The following RIMS1 variants were observed in gnomAD, a reference collection of about 807,000 sequenced individuals.
RIMS1 encodes regulating synaptic membrane exocytosis protein 1.
In RIMS1, 83 loss-of-function variants were observed where a neutral mutation model predicts 214.1. That is an observed-to-expected ratio of 0.39 (90% confidence interval 0.32 to 0.47). RIMS1 has a LOEUF of 0.47. Among genes scored for constraint, RIMS1 ranks in the 20% least tolerant of loss-of-function variants. The pLI is 0.99. For missense variants in RIMS1, 2,050 were observed against 2,161.8 expected (o/e 0.95, Z 1.03); for synonymous variants, 793 against 786.8 (o/e 1.01, Z -0.13).
intron 2 of RIMS1, among the ~76,000 whole-genome samples, chr6:72,066,855 C>G (rs1310436924): frequency 2.0e-5 from 3 of 152,100 alleles, no homozygotes; most frequent in Non-Finnish European, 4.4e-5. Flanking sequence ...CATAATTTAC[C>G]TAATTGCTGG....
chr6:71,978,350 T>C (rs1476756355), intron 2 of RIMS1, among the ~76,000 whole-genome samples: 2 of 152,258 alleles, frequency 1.3e-5, no homozygotes, highest in African/African-American at 4.8e-5. Flanking sequence ...ACAAAAATTA[T>C]GTAAAATTGA....
In RIMS1 at chr6:72,183,168, C is replaced by T. The variant is rs1408729408; in HGVS notation, c.1678+19C>T. 1.3e-6 allele frequency: 2 copies of T among 1,582,544 alleles called. No homozygotes were observed. The highest frequency in any genetic ancestry group is 2.3e-5 in the South Asian group (2 of 86,484). ...GAGAAAGGTAAGGGGGCGGCGCCGG[C>T]CGTGCGGGGACTTCAGCCAAGTGAA... On this transcript the variant is annotated intron_variant, in intron 6 of 33. Coordinates refer to ENST00000521978, the MANE Select transcript of RIMS1 (RefSeq NM_014989.7).
chr6:72,206,944 T>C (rs1008378689), intron 6 of RIMS1, among the ~76,000 whole-genome samples: 10 of 152,240 alleles, frequency 6.6e-5, no homozygotes, highest in African/African-American at 2.4e-4. Flanking sequence ...CGTTTTGTAG[T>C]ATGACTATTT....
intron 6 of RIMS1, among the ~76,000 whole-genome samples, chr6:72,215,661 T>C (rs939557192): frequency 3.9e-5 from 6 of 152,246 alleles, no homozygotes; most frequent in Non-Finnish European, 7.3e-5. Flanking sequence ...TATTTCCCTT[T>C]TGCTTTTCCC....
intron 23 of RIMS1, among the ~76,000 whole-genome samples, chr6:72,278,051 A>G (rs936287788): frequency 5.3e-5 from 8 of 152,124 alleles, no homozygotes; most frequent in African/African-American, 1.9e-4. Flanking sequence ...AGAAAATGCA[A>G]TATTTTCATT....
chr6:71,988,846 A>C lies in RIMS1; in HGVS notation c.245+19783A>C, dbSNP rs4706498. On this transcript the variant is annotated intron_variant, in intron 2 of 33. Transcript: ENST00000521978. The stretch of plus-strand genomic sequence containing the variant: ...AGGAATGGGATATTTTTATGTGAAT[A>C]AAGTAATTTGTATGTTACCATCTAC... 7.2e-3 allele frequency among the ~76,000 whole-genome samples: 1,103 copies of C among 152,336 alleles called. 10 individuals carry two copies. Among genetic ancestry groups the C allele is most frequent in the East Asian group, 0.026 (133 of 5,180 alleles).
At chr6:71,897,093 T>G (rs1489772704) in intron 1 of RIMS1, among the ~76,000 whole-genome samples, 3 of 152,212 alleles carry the variant, frequency 2.0e-5, no homozygotes, top group Non-Finnish European at 4.4e-5. Context: ...ATTTCTTGTC[T>G]GTGTGGGTAG....
At chr6:71,945,030 G>C (rs555386573) in intron 1 of RIMS1, among the ~76,000 whole-genome samples, 1 of 152,268 alleles carries the variant, frequency 6.6e-6, no homozygotes, top group South Asian at 2.1e-4. Flanking sequence ...AAACTTTCAA[G>C]ACCTCTATCT....
chr6:72,092,625 G>A (rs551972406), intron 2 of RIMS1, among the ~76,000 whole-genome samples: 24 of 152,252 alleles, frequency 1.6e-4, no homozygotes, highest in African/African-American at 5.5e-4. Flanking sequence ...ATGGGTACAG[G>A]TCACCAAGGG....
At position 72,385,772 on chromosome 6, in the gene RIMS1, A is replaced by G. The variant is rs934105062; in HGVS notation, c.4367-4826A>G. 3.9e-5 allele frequency among the ~76,000 whole-genome samples: 6 copies of G among 152,212 alleles called. 1 individual carries two copies. In the South Asian group the frequency reaches 8.3e-4, roughly 21 times the overall value. ...GTTTCTCCAGATTTACAGTTTCCAC[A>G]TCTATAAAACAATGTTTCTTCTAAT... On this transcript the variant is annotated intron_variant, in intron 29 of 33. Coordinates refer to ENST00000521978, the MANE Select transcript of RIMS1 (RefSeq NM_014989.7).
At chr6:72,039,924 C>T (rs1820960342) in intron 2 of RIMS1, among the ~76,000 whole-genome samples, 1 of 151,974 alleles carries the variant, frequency 6.6e-6, no homozygotes, top group African/African-American at 2.4e-5. Context: ...GAAAGAAATA[C>T]TGGATCATAC....
chr6:72,288,056 TC>T (rs1192806127), intron 24 of RIMS1, among the ~76,000 whole-genome samples: 3 of 152,176 alleles, frequency 2.0e-5, no homozygotes, highest in Admixed American at 2.0e-4. Context: ...TCATGGTACA[TC>T]CTGAGATGTG....
intron 2 of RIMS1, among the ~76,000 whole-genome samples, chr6:71,985,150 A>G (rs925352574): frequency 6.6e-6 from 1 of 152,188 alleles, no homozygotes; most frequent in Non-Finnish European, 1.5e-5. Context: ...TTGGGAGGCC[A>G]TGGCAAGAGA....
At chr6:72,225,317 AT>A (rs1457468933) in intron 6 of RIMS1, among the ~76,000 whole-genome samples, 2 of 152,138 alleles carry the variant, frequency 1.3e-5, no homozygotes, top group Admixed American at 1.3e-4. Context: ...TATCCTTAAA[AT>A]TCATCTTTAT....
chr6:71,978,954 T>C (rs926696385), intron 2 of RIMS1, among the ~76,000 whole-genome samples: 21 of 152,150 alleles, frequency 1.4e-4, no homozygotes, highest in African/African-American at 4.8e-4. Context: ...AATTAGGAAG[T>C]GACAGAATTT....
chr6:72,381,082 T>A (rs1192812231), intron 29 of RIMS1, among the ~76,000 whole-genome samples: 1 of 152,218 alleles, frequency 6.6e-6, no homozygotes, highest in African/African-American at 2.4e-5. Flanking sequence ...TTTCTTAACA[T>A]TCGAGAGGTC....
intron 6 of RIMS1, among the ~76,000 whole-genome samples, chr6:72,196,375 C>T (rs2496516): frequency 0.44 from 62,283 of 142,854 alleles, 13,764 homozygotes; most frequent in East Asian, 0.78. Flanking sequence ...GTCTGTCTGT[C>T]TGTCTATCTA....
Position 72,216,881 on chromosome 6 carries a change from G to T in RIMS1, c.1679-16892G>T, listed in dbSNP as rs137943278. ...AAAGAGCTTTAGTGTATGCTACACT[G>T]GGAGCCACTTTAGTACAGCACAGAG... On this transcript the variant is annotated intron_variant, in intron 6 of 33. Transcript: ENST00000521978. The T allele has an allele frequency of 7.2e-4, 778 of 1,078,244 alleles. 5 individuals are homozygous for T. The African/African-American group carries it at 0.012, about 17-fold the overall frequency. The allele number at this position is 1,078,244 out of a possible 1,614,324, so 66.8% of individuals were successfully genotyped here.
At chr6:71,991,999 G>A (rs1801708246) in intron 2 of RIMS1, among the ~76,000 whole-genome samples, 1 of 152,080 alleles carries the variant, frequency 6.6e-6, no homozygotes, top group Non-Finnish European at 1.5e-5. Flanking sequence ...GGGAGGCAAA[G>A]GTTGCAGTGA....
Sources: allele counts gnomAD v4.1 joint callset (sites outside exome capture counted in the v4.1 genomes callset), GRCh38; gene constraint gnomAD v4.1.1; transcripts MANE v1.5; gene names NCBI Gene and HGNC (gene_info 2026-07-23, HGNC 2026-07-21).